MPHOSPH8: variants seen among roughly 807,000 people sequenced by gnomAD.
MPHOSPH8 encodes the protein M-phase phosphoprotein, mpp.
MPHOSPH8 carries 45 observed loss-of-function variants against 87.3 expected under a neutral mutation model. The observed-to-expected ratio is 0.52, with a 90% CI of 0.41 to 0.66. The LOEUF is 0.66. Among genes scored for constraint, MPHOSPH8 ranks in the 30% least tolerant of loss-of-function variants. MPHOSPH8 has a pLI of 0.00. For missense variants in MPHOSPH8, 883 were observed against 1,020.2 expected, an observed-to-expected ratio of 0.87 and a Z score of 1.83; for synonymous variants, 366 against 376.9, an observed-to-expected ratio of 0.97 and a Z score of 0.33.
chr13:19,673,238 T>C lies in MPHOSPH8; in HGVS notation c.*1363T>C. The C allele has an allele frequency of 2.4e-6, 1 of 417,924 alleles. No individual in the cohort carries two copies. Among genetic ancestry groups the C allele is most frequent in the Non-Finnish European group, 4.6e-6 (1 of 215,286 alleles). 25.9% of individuals were successfully genotyped at this position (417,924 alleles called of 1,614,324 possible). On this transcript the variant is annotated 3_prime_UTR_variant, in exon 14 of 14. Coordinates refer to ENST00000361479, the MANE Select transcript of MPHOSPH8 (RefSeq NM_017520.4). ...TCTGGGAAGAGTTCCTGCTTCTGTA[T>C]GGCAAGCATAAATCAAGCTCAGTCT...
intron 9 of MPHOSPH8, among the ~76,000 whole-genome samples, chr13:19,665,627 T>C (rs949906897): frequency 6.6e-6 from 1 of 152,134 alleles, no homozygotes; most frequent in African/African-American, 2.4e-5. Flanking sequence ...ATGACACCGT[T>C]GTCGGGGTAG....
chr13:19,666,541 T>C lies in MPHOSPH8; in HGVS notation c.2136T>C (p.Asn712=). 4 of 1,598,824 alleles carry C rather than the reference T, an allele frequency of 2.5e-6. No homozygotes were observed. Among genetic ancestry groups the C allele is most frequent in the Middle Eastern group, 1.7e-4 (1 of 6,026 alleles). The change falls in exon 10 of 14, where the codon AAT becomes AAC. Residue 712 remains asparagine, a synonymous_variant. Coordinates refer to ENST00000361479, the MANE Select transcript of MPHOSPH8 (RefSeq NM_017520.4). ...TGCACTTTGCGAAGCAGTCTAACAATGTGCTTGTGTACGACTTGCTGAAGA... is the reference window on the plus strand; with the variant it reads ...TGCACTTTGCGAAGCAGTCTAACAACGTGCTTGTGTACGACTTGCTGAAGA... ...SALHFAKQSN[N]VLVYDLLKNH...
At chr13:19,657,525 G>T (rs1377407543) in intron 5 of MPHOSPH8, among the ~76,000 whole-genome samples, 1 of 151,340 alleles carries the variant, frequency 6.6e-6, no homozygotes, top group Non-Finnish European at 1.5e-5. Flanking sequence ...CCGAGATGGC[G>T]CCACTGCACT....
chr13:19,655,486 A>G (rs1875109423), intron 5 of MPHOSPH8, among the ~76,000 whole-genome samples: 1 of 152,134 alleles, frequency 6.6e-6, no homozygotes, highest in Non-Finnish European at 1.5e-5. Flanking sequence ...CACCACCACC[A>G]CCACCACCAC....
intron 7 of MPHOSPH8, 93 bp downstream of exon 7, chr13:19,659,382 G>C: frequency 9.3e-7 from 1 of 1,070,180 alleles, no homozygotes; most frequent in Non-Finnish European, 1.4e-6. Context: ...AATTACAAAA[G>C]GCTGGGCGTG....
intron 9 of MPHOSPH8, among the ~76,000 whole-genome samples, chr13:19,663,882 A>C (rs1439820896): frequency 3.3e-5 from 5 of 152,206 alleles, no homozygotes; most frequent in African/African-American, 1.2e-4. Context: ...CGCTGTCCCC[A>C]GTAAGCAAAA....
chr13:19,649,992 T>C lies in MPHOSPH8; in HGVS notation c.1319-11T>C. On this transcript the variant is annotated splice_polypyrimidine_tract_variant and intron_variant, in intron 4 of 13. Coordinates refer to ENST00000361479, the MANE Select transcript of MPHOSPH8 (RefSeq NM_017520.4). ...CTCATACTTAACCATCTATTTTAAT[T>C]TTTTCGTTAGCACTTAAGGAAATCA... is the stretch of plus-strand genomic sequence containing the variant. 6.5e-7 allele frequency: 1 copy of C among 1,548,258 alleles called. No homozygotes were observed. Among genetic ancestry groups the C allele is most frequent in the South Asian group, 1.2e-5 (1 of 82,412 alleles).
intron 2 of MPHOSPH8, among the ~76,000 whole-genome samples, chr13:19,645,787 A>G: frequency 6.6e-6 from 1 of 150,562 alleles, no homozygotes; most frequent in African/African-American, 2.4e-5. Flanking sequence ...CCTTCTCTCT[A>G]CCCCCAAGTC....
In MPHOSPH8 at chr13:19,664,974, A is replaced by G. The variant is rs575684757; in HGVS notation, c.2020-1451A>G. Among the ~76,000 whole-genome samples, 3 of 152,138 alleles carry G rather than the reference A, an allele frequency of 2.0e-5. No homozygotes were observed. The South Asian group carries it at 6.2e-4, about 32-fold the overall frequency. On this transcript the variant is annotated intron_variant, in intron 9 of 13. Transcript: ENST00000361479. ...TGGGGAGAAGCAGAGGAGGAGGAGG[A>G]AGTGGTCCACGGGCTGGCAGCACCT...
chr13:19,635,361 C>T (rs114582963), intron 1 of MPHOSPH8, among the ~76,000 whole-genome samples: 2,548 of 152,040 alleles, frequency 0.017, 67 homozygotes, highest in African/African-American at 0.057. Context: ...TCTACTAAAA[C>T]ACAAAAAAAT....
Position 19,668,462 on chromosome 13 carries a change from CAT to C in MPHOSPH8, c.2261_2262del (p.His754ProfsTer4). On this transcript the variant is annotated frameshift_variant, in exon 11 of 14. Transcript: ENST00000361479. LOFTEE classifies it high-confidence loss of function. ...LLEPVFPIAC[H>X]RLCEGPDFST... is the part of the protein sequence containing the mutation. ...AGAACCAGTTTTTCCAATCGCATGT[CAT>C]CGACTCTGTGAGGGTCCAGATTTTT... The C allele has an allele frequency of 6.2e-7, 1 of 1,614,010 alleles. No individual in the cohort carries two copies. The highest frequency in any genetic ancestry group is 8.5e-7 in the Non-Finnish European group (1 of 1,179,908).
At chr13:19,664,150 TTTC>T (rs1339082669) in intron 9 of MPHOSPH8, among the ~76,000 whole-genome samples, 1 of 152,158 alleles carries the variant, frequency 6.6e-6, no homozygotes, top group African/African-American at 2.4e-5. Flanking sequence ...AGCCATTTTT[TTTC>T]TTATTAGAGA....
At chr13:19,667,388 T>C (rs187941828) in intron 10 of MPHOSPH8, among the ~76,000 whole-genome samples, 1 of 152,154 alleles carries the variant, frequency 6.6e-6, no homozygotes, top group African/African-American at 2.4e-5. Flanking sequence ...GAGCGCAGCA[T>C]TGACATTAGG....
At position 19,672,590 on chromosome 13, in the gene MPHOSPH8, A is replaced by C. The variant is rs914080769; in HGVS notation, c.*715A>C. On this transcript the variant is annotated 3_prime_UTR_variant, in exon 14 of 14. Transcript: ENST00000361479. The stretch of plus-strand genomic sequence containing the variant: ...TATATTCAAGTTACCCAAGCACCAA[A>C]TAAAGTGTGGGTTTGCTGCCCTTGA... 7 of 152,860 alleles carry C rather than the reference A, an allele frequency of 4.6e-5. No individual in the cohort carries two copies. Among genetic ancestry groups the C allele is most frequent in the African/African-American group, 1.4e-4 (6 of 41,446 alleles). The allele number at this position is 152,860 out of a possible 1,614,324, so 9.5% of individuals were successfully genotyped here. A position where few individuals can be genotyped will look rare whatever the true frequency, so the allele number is the denominator to read the frequency against.
chr13:19,661,480 G>C (rs1875525977), intron 7 of MPHOSPH8, among the ~76,000 whole-genome samples: 1 of 152,188 alleles, frequency 6.6e-6, no homozygotes, highest in Non-Finnish European at 1.5e-5. Flanking sequence ...GCCTATAGAG[G>C]AAAGTTGTAA....
intron 5 of MPHOSPH8, among the ~76,000 whole-genome samples, chr13:19,650,768 A>G (rs559186186): frequency 2.8e-4 from 39 of 141,106 alleles, no homozygotes; most frequent in Non-Finnish European, 2.4e-4. Flanking sequence ...GACCTAATAA[A>G]TCAGAGAGGT....
chr13:19,641,569 T>G (rs1874294833), intron 1 of MPHOSPH8, among the ~76,000 whole-genome samples: 1 of 146,174 alleles, frequency 6.8e-6, no homozygotes, highest in African/African-American at 2.5e-5. Flanking sequence ...CTTGGCTCAC[T>G]GCAACCTCTG....
chr13:19,655,230 C>CT (rs1384678903), intron 5 of MPHOSPH8, among the ~76,000 whole-genome samples: 4 of 152,150 alleles, frequency 2.6e-5, no homozygotes, highest in Admixed American at 2.0e-4. Flanking sequence ...AATCTTAACA[C>CT]TTTGGGAGCT....
rs114056778 is a variant in MPHOSPH8, at chr13:19,673,067, A to G, written c.*1192A>G. The stretch of plus-strand genomic sequence containing the variant: ...GAGACCTTGTCTCAAAAAAAAAAAA[A>G]AGTTTCTTGGAACCTATACGGTTTT... On this transcript the variant is annotated 3_prime_UTR_variant, in exon 14 of 14. Coordinates refer to ENST00000361479, the MANE Select transcript of MPHOSPH8 (RefSeq NM_017520.4). 1,787 of 441,818 alleles carry G rather than the reference A, an allele frequency of 4.0e-3. 31 individuals carry two copies. Among genetic ancestry groups the G allele is most frequent in the African/African-American group, 0.034 (1,625 of 48,480 alleles). The allele number at this position is 441,818 out of a possible 1,614,324, so 27.4% of individuals were successfully genotyped here.
Sources: gnomAD v4.1 joint callset for allele counts (sites outside exome capture counted in the v4.1 genomes callset) on GRCh38, gnomAD v4.1.1 for gene constraint, MANE v1.5 for transcripts, NCBI Gene and HGNC (gene_info 2026-07-23, HGNC 2026-07-21) for gene names.